The following CSMD1 variants were observed in gnomAD, a reference collection of about 807,000 sequenced individuals.
The protein encoded by CSMD1 is CUB and Sushi multiple domains 1, also known as CUB and sushi domain-containing protein 1.
CSMD1 carries 213 observed loss-of-function variants against 417.5 expected under a neutral mutation model. The ratio of observed to expected loss-of-function variants is 0.51; its 90% CI spans 0.46 to 0.57. The LOEUF is 0.57. Ranked by LOEUF, CSMD1 falls within the 20% of genes least tolerant of loss-of-function variation. The pLI, the probability that CSMD1 is intolerant of heterozygous loss-of-function variation, is 0.00. For synonymous variants in CSMD1, 2,862 were observed against 1,736.8 expected (o/e 1.65, Z -16.11); for missense variants, 6,923 against 4,529.7 (o/e 1.53, Z -15.17).
chr8:4,080,145 T>G (rs1218225052), intron 3 of CSMD1, among the ~76,000 whole-genome samples: 1 of 152,066 alleles, frequency 6.6e-6, no homozygotes, highest in Non-Finnish European at 1.5e-5. Flanking sequence ...CCTGCTCAGT[T>G]TGCAATTTAC....
At chr8:4,088,375 C>T (rs375748910) in intron 3 of CSMD1, among the ~76,000 whole-genome samples, 6 of 152,288 alleles carry the variant, frequency 3.9e-5, no homozygotes, top group East Asian at 1.9e-4. Context: ...CTTACTTTTG[C>T]GGGAAAGAGC....
chr8:3,576,645 T>C (rs1800162973), intron 9 of CSMD1, among the ~76,000 whole-genome samples: 2 of 152,192 alleles, frequency 1.3e-5, no homozygotes, highest in African/African-American at 4.8e-5. Flanking sequence ...ATAACTGGGT[T>C]TCCGAAACTC....
At chr8:4,354,231 C>A (rs1469209931) in intron 3 of CSMD1, among the ~76,000 whole-genome samples, 1 of 152,154 alleles carries the variant, frequency 6.6e-6, no homozygotes, top group Non-Finnish European at 1.5e-5. Flanking sequence ...TCCGATATTT[C>A]CACCTTACCA....
chr8:4,971,741 A>T (rs1435209633), intron 1 of CSMD1, among the ~76,000 whole-genome samples: 1 of 151,744 alleles, frequency 6.6e-6, no homozygotes, highest in Non-Finnish European at 1.5e-5. Flanking sequence ...TCATATAAAT[A>T]TTACCAACTT....
At chr8:4,525,119 A>G (rs538499426) in intron 2 of CSMD1, among the ~76,000 whole-genome samples, 1 of 152,338 alleles carries the variant, frequency 6.6e-6, no homozygotes, top group African/African-American at 2.4e-5. Context: ...TCATAGTGCT[A>G]AATTTTCAAT....
At chr8:4,349,080 T>C (rs56133441) in intron 3 of CSMD1, among the ~76,000 whole-genome samples, 13,592 of 152,292 alleles carry the variant, frequency 0.089, 1,784 homozygotes, top group African/African-American at 0.29. Context: ...ACTCATGAAA[T>C]GCTCAAATTA....
At chr8:3,939,848 A>G (rs776612082) in intron 5 of CSMD1, among the ~76,000 whole-genome samples, 23 of 152,072 alleles carry the variant, frequency 1.5e-4, no homozygotes, top group Non-Finnish European at 8.8e-5. Flanking sequence ...TATAATGGAC[A>G]TTGGGTATTG....
chr8:4,430,418 C>T (rs964047993), intron 2 of CSMD1, among the ~76,000 whole-genome samples: 1 of 152,084 alleles, frequency 6.6e-6, no homozygotes, highest in Non-Finnish European at 1.5e-5. Context: ...ATGACATAGT[C>T]TACCTTCTCC....
intron 3 of CSMD1, among the ~76,000 whole-genome samples, chr8:4,181,916 T>C (rs564704236): frequency 1.3e-5 from 2 of 151,728 alleles, no homozygotes; most frequent in South Asian, 4.2e-4. Context: ...GCAGGACAAG[T>C]ACTTAGTACT....
chr8:2,940,710 T>A (rs631026), intron 69 of CSMD1, among the ~76,000 whole-genome samples: 47,130 of 152,146 alleles, frequency 0.31, 7,314 homozygotes, highest in Non-Finnish European at 0.34. Flanking sequence ...TAAATATGCA[T>A]ATATAATTAT....
At chr8:3,298,335 C>T (rs74905341) in intron 25 of CSMD1, among the ~76,000 whole-genome samples, 1,523 of 152,278 alleles carry the variant, frequency 0.01, 27 homozygotes, top group African/African-American at 0.035. Context: ...TCAGAACCAT[C>T]CAAATGTCCA....
At chr8:4,353,016 A>T (rs1801188952) in intron 3 of CSMD1, among the ~76,000 whole-genome samples, 2 of 152,226 alleles carry the variant, frequency 1.3e-5, no homozygotes. Flanking sequence ...TTTCCTCTGG[A>T]TACTATTTCC....
At chr8:4,763,934 T>C (rs2117109140) in intron 1 of CSMD1, among the ~76,000 whole-genome samples, 1 of 152,306 alleles carries the variant, frequency 6.6e-6, no homozygotes, top group East Asian at 1.9e-4. Context: ...TCTGAACAAA[T>C]TATATTCCTT....
chr8:3,520,036 A>G (rs888993696), intron 10 of CSMD1, among the ~76,000 whole-genome samples: 1 of 147,806 alleles, frequency 6.8e-6, no homozygotes, highest in South Asian at 2.2e-4. Context: ...ATATATATAT[A>G]TATACACGTA....
chr8:4,890,299 A>T (rs1804025796), intron 1 of CSMD1, among the ~76,000 whole-genome samples: 1 of 152,170 alleles, frequency 6.6e-6, no homozygotes, highest in South Asian at 2.1e-4. Context: ...TCTACGAAGT[A>T]AGCTGAAAAG....
At chr8:4,151,281 A>T (rs1006290199) in intron 3 of CSMD1, among the ~76,000 whole-genome samples, 2 of 152,210 alleles carry the variant, frequency 1.3e-5, no homozygotes, top group Non-Finnish European at 2.9e-5. Flanking sequence ...TAGACCATGC[A>T]TGTGTAAATC....
chr8:4,576,283 A>T (rs1799131308), intron 2 of CSMD1, among the ~76,000 whole-genome samples: 1 of 152,160 alleles, frequency 6.6e-6, no homozygotes, highest in Non-Finnish European at 1.5e-5. Flanking sequence ...TCCTCTTGCC[A>T]CAGGGCATTG....
chr8:3,279,052 G>C (rs1466987312), intron 26 of CSMD1: 2 of 152,178 alleles, frequency 1.3e-5, no homozygotes, highest in Non-Finnish European at 1.5e-5. Context: ...ATGGAGACTG[G>C]TGCCCGATTC....
chr8:4,561,291 T>A (rs1004271226), intron 2 of CSMD1, among the ~76,000 whole-genome samples: 5 of 152,122 alleles, frequency 3.3e-5, no homozygotes, highest in African/African-American at 1.2e-4. Flanking sequence ...GGGGAATCGT[T>A]TGAACTCAGG....
Sources: gnomAD v4.1 joint callset for allele counts (sites outside exome capture counted in the v4.1 genomes callset) on GRCh38, gnomAD v4.1.1 for gene constraint, MANE v1.5 for transcripts, NCBI Gene and HGNC (gene_info 2026-07-23, HGNC 2026-07-21) for gene names.